The following OLFM3 variants were observed in gnomAD, a reference collection of about 807,000 sequenced individuals.
OLFM3 encodes the protein noelin-3.
OLFM3 carries 20 observed loss-of-function variants against 48.6 expected under a neutral mutation model. The observed-to-expected ratio is 0.41, with a 90% confidence interval of 0.29 to 0.60. The LOEUF is 0.60. Among genes scored for constraint, OLFM3 ranks in the 20% least tolerant of loss-of-function variants. The probability of loss-of-function intolerance (pLI) is 0.28; values close to 1 mark genes in which losing one functional copy is unlikely to be tolerated. For synonymous variants in OLFM3, 222 were observed against 198.1 expected (o/e 1.12, Z -1.01); for missense variants, 437 against 544.3 (o/e 0.80, Z 1.96).
Position 101,804,861 on chromosome 1 carries a change from T to C in OLFM3, c.754A>G (p.Ile252Val), listed in dbSNP as rs760607816. Residue 252 changes from isoleucine to valine, a missense_variant, in exon 6 of 6, where the codon ATT becomes GTT. Transcript: ENST00000370103. The surrounding 1 kb of genome is among the most constrained non-coding windows in gnomAD (Gnocchi z 4.5). ...TCAGCCCCACTGACAAAGTCTGCAA[T>C]TGATTTGTATTCACGAACAATTTTA... is the stretch of plus-strand genomic sequence containing the variant. ...NNKIVREYKS[I>V]ADFVSGAESR... 1.2e-5 allele frequency: 20 copies of C among 1,612,272 alleles called. No homozygotes were observed. The highest frequency in any genetic ancestry group is 2.2e-5 in the East Asian group (1 of 44,816).
At chr1:101,993,756 C>T (rs1661479539) in intron 1 of OLFM3, among the ~76,000 whole-genome samples, 1 of 151,798 alleles carries the variant, frequency 6.6e-6, no homozygotes, top group Non-Finnish European at 1.5e-5. Flanking sequence ...CCAATCTTGC[C>T]AATTTTTTGA....
At chr1:101,914,727 C>G (rs11164332) in intron 1 of OLFM3, among the ~76,000 whole-genome samples, 65,791 of 151,906 alleles carry the variant, frequency 0.43, 14,344 homozygotes, top group East Asian at 0.59. Flanking sequence ...AGCCTGCATG[C>G]GGCTCTTTCC....
intron 1 of OLFM3, among the ~76,000 whole-genome samples, chr1:101,924,524 C>T (rs1187127735): frequency 2.6e-5 from 4 of 152,084 alleles, no homozygotes; most frequent in Admixed American, 6.6e-5. Flanking sequence ...TATTAGATCC[C>T]ACTTGCATGA....
intron 1 of OLFM3, among the ~76,000 whole-genome samples, chr1:101,931,416 T>G (rs1309403713): frequency 6.6e-6 from 1 of 152,224 alleles, no homozygotes; most frequent in African/African-American, 2.4e-5. Flanking sequence ...TTGAAGGCAC[T>G]GCTATCCCAT....
chr1:101,811,700 G>A (rs1570504934), intron 4 of OLFM3, among the ~76,000 whole-genome samples: 1 of 152,068 alleles, frequency 6.6e-6, no homozygotes, highest in Admixed American at 6.6e-5. Flanking sequence ...GCTGCTGGAG[G>A]GGATGTGGAG....
At chr1:101,904,703 C>T (rs1267741275) in intron 1 of OLFM3, among the ~76,000 whole-genome samples, 1 of 152,010 alleles carries the variant, frequency 6.6e-6, no homozygotes, top group Non-Finnish European at 1.5e-5. Flanking sequence ...GATTTTCTTC[C>T]TGGAAGGTGA....
chr1:101,834,299 G>C (rs1655298107), intron 2 of OLFM3, among the ~76,000 whole-genome samples: 1 of 152,106 alleles, frequency 6.6e-6, no homozygotes. Flanking sequence ...AACTTAGAAA[G>C]ATAACTATCC....
chr1:101,904,771 T>C (rs1428324741), intron 1 of OLFM3, among the ~76,000 whole-genome samples: 4 of 152,072 alleles, frequency 2.6e-5, no homozygotes, highest in African/African-American at 9.7e-5. Flanking sequence ...AGAATAACTC[T>C]TACAATTATG....
chr1:101,961,274 A>G (rs903613411), intron 1 of OLFM3, among the ~76,000 whole-genome samples: 1 of 152,070 alleles, frequency 6.6e-6, no homozygotes, highest in Non-Finnish European at 1.5e-5. Flanking sequence ...ATAATGTTAC[A>G]TTTAATTTGT....
chr1:101,926,894 A>G (rs913512825), intron 1 of OLFM3, among the ~76,000 whole-genome samples: 1 of 152,136 alleles, frequency 6.6e-6, no homozygotes, highest in African/African-American at 2.4e-5. Context: ...ATGCATTTCT[A>G]AAAAAGAAGT....
intron 4 of OLFM3, among the ~76,000 whole-genome samples, chr1:101,821,959 G>T (rs1419319409): frequency 6.6e-6 from 1 of 152,016 alleles, no homozygotes; most frequent in Non-Finnish European, 1.5e-5. Context: ...TGGCCCACTG[G>T]ATAAAATTAA....
At chr1:101,856,289 T>A (rs939813575) in intron 1 of OLFM3, among the ~76,000 whole-genome samples, 1 of 151,992 alleles carries the variant, frequency 6.6e-6, no homozygotes, top group Non-Finnish European at 1.5e-5. Context: ...TACAGTTTTA[T>A]GAGAGGTTGA....
intron 4 of OLFM3, among the ~76,000 whole-genome samples, chr1:101,822,107 A>G (rs1654632545): frequency 6.6e-6 from 1 of 152,122 alleles, no homozygotes; most frequent in Non-Finnish European, 1.5e-5. Flanking sequence ...TCTTTGTCCA[A>G]AATATCGGAA....
At chr1:101,957,631 G>A (rs1248524087) in intron 1 of OLFM3, among the ~76,000 whole-genome samples, 1 of 152,006 alleles carries the variant, frequency 6.6e-6, no homozygotes, top group Non-Finnish European at 1.5e-5. Flanking sequence ...TAAGTTACAT[G>A]TGCTTTCTTT....
intron 1 of OLFM3, among the ~76,000 whole-genome samples, chr1:101,844,570 T>C (rs1655889353): frequency 2.0e-5 from 3 of 152,258 alleles, no homozygotes; most frequent in African/African-American, 7.2e-5. Flanking sequence ...GTCTCCCCAT[T>C]TGTAGAATAA....
chr1:101,950,759 A>G (rs1470041924), intron 1 of OLFM3, among the ~76,000 whole-genome samples: 1 of 152,058 alleles, frequency 6.6e-6, no homozygotes, highest in Non-Finnish European at 1.5e-5. Context: ...TGTATTTTTA[A>G]AAATTTACTA....
intron 1 of OLFM3, among the ~76,000 whole-genome samples, chr1:101,993,953 GA>G (rs11394644): frequency 4.3e-3 from 493 of 115,304 alleles, no homozygotes; most frequent in African/African-American, 0.012. Flanking sequence ...TTCAGCGACA[GA>G]AAAAAAAAAA....
intron 1 of OLFM3, among the ~76,000 whole-genome samples, chr1:101,890,039 G>T (rs1334243834): frequency 6.6e-6 from 1 of 152,100 alleles, no homozygotes; most frequent in Middle Eastern, 3.4e-3. Flanking sequence ...TCAGGTTGAA[G>T]TCTTAAATAT....
intron 1 of OLFM3, among the ~76,000 whole-genome samples, chr1:101,874,240 G>A (rs917613666): frequency 1.3e-5 from 2 of 151,808 alleles, no homozygotes; most frequent in African/African-American, 4.8e-5. Flanking sequence ...TTTCACATTA[G>A]ATAGTAAATA....
Sources: gnomAD v4.1 joint callset for allele counts (sites outside exome capture counted in the v4.1 genomes callset) on GRCh38, gnomAD v4.1.1 for gene constraint, Gnocchi (gnomAD v3.1) non-coding constraint, MANE v1.5 for transcripts, NCBI Gene and HGNC (gene_info 2026-07-23, HGNC 2026-07-21) for gene names.